Variants in KIT observed in about 807,000 individuals in gnomAD.
The protein encoded by KIT is KIT proto-oncogene, receptor tyrosine kinase.
A neutral mutation model predicts 105.7 loss-of-function variants in KIT; 16 were observed. The observed-to-expected ratio is 0.15, with a 90% CI of 0.10 to 0.23. The LOEUF (loss-of-function observed/expected upper bound fraction) is 0.23, where lower values mean the gene tolerates loss of function less well. Among genes scored for constraint, KIT ranks in the 10% least tolerant of loss-of-function variants. The probability of loss-of-function intolerance (pLI) is 1.00; values close to 1 mark genes in which losing one functional copy is unlikely to be tolerated. For synonymous variants in KIT, 438 were observed against 441.1 expected, an observed-to-expected ratio of 0.99 and a Z score of 0.09; for missense variants, 858 against 1,213.8, an observed-to-expected ratio of 0.71 and a Z score of 4.36.
At chr4:54,715,471 AG>A (rs1721428237) in intron 7 of KIT, among the ~76,000 whole-genome samples, 1 of 151,872 alleles carries the variant, frequency 6.6e-6, no homozygotes, top group Non-Finnish European at 1.5e-5. Context: ...GCTTCTGGTG[AG>A]GGCTTCAGGA....
At chr4:54,693,259 T>C (rs1468951275) in intron 1 of KIT, among the ~76,000 whole-genome samples, 3 of 152,210 alleles carry the variant, frequency 2.0e-5, no homozygotes, top group African/African-American at 7.2e-5. Flanking sequence ...CCTGCCATCT[T>C]ACTGTGGCAT....
intron 1 of KIT, among the ~76,000 whole-genome samples, chr4:54,659,015 G>A (rs1717036486): frequency 6.6e-6 from 1 of 152,118 alleles, no homozygotes; most frequent in Non-Finnish European, 1.5e-5. Flanking sequence ...CAGAGTGCCC[G>A]GCCTGCCTGG....
intron 4 of KIT, among the ~76,000 whole-genome samples, chr4:54,701,927 G>C (rs975329233): frequency 6.6e-6 from 1 of 152,192 alleles, no homozygotes; most frequent in Admixed American, 6.5e-5. Flanking sequence ...CTTAGAAGGG[G>C]GTAGTAGGAA....
intron 7 of KIT, among the ~76,000 whole-genome samples, chr4:54,718,702 AT>A (rs201599298): frequency 1.6e-4 from 24 of 152,080 alleles, no homozygotes; most frequent in African/African-American, 5.5e-4. Flanking sequence ...TAAGAGAATG[AT>A]TTTTTTTCTT....
At chr4:54,715,586 G>A (rs1008073023) in intron 7 of KIT, among the ~76,000 whole-genome samples, 4 of 151,956 alleles carry the variant, frequency 2.6e-5, no homozygotes, top group Admixed American at 6.6e-5. Context: ...TTTAAAAATC[G>A]GATCTCGAGG....
At chr4:54,724,639 A>C (rs1297887299) in intron 8 of KIT, among the ~76,000 whole-genome samples, 2 of 151,996 alleles carry the variant, frequency 1.3e-5, no homozygotes, top group Non-Finnish European at 2.9e-5. Flanking sequence ...TGCCTTTATG[A>C]GTTTATGTTC....
intron 1 of KIT, among the ~76,000 whole-genome samples, chr4:54,686,219 TA>T (rs201077047): frequency 6.1e-5 from 9 of 147,542 alleles, no homozygotes; most frequent in South Asian, 4.3e-4. Context: ...AGGAGCTACT[TA>T]AAAAAAAAAA....
In KIT at chr4:54,703,806, C is replaced by G; in HGVS notation, c.839C>G (p.Ala280Gly). ...CAGGCAACGTTGACTATCAGTTCAG[C>G]GAGAGTTAATGATTCTGGAGTGTTC... Reference protein sequence around the residue: ...ERQATLTISSARVNDSGVFMC... With the variant: ...ERQATLTISSGRVNDSGVFMC... The change falls in exon 5 of 21, where the codon GCG becomes GGG. Residue 280 changes from alanine (A) to glycine (G), a missense_variant. Transcript: ENST00000288135. 1 of 1,613,238 alleles carries G rather than the reference C, an allele frequency of 6.2e-7. No homozygotes were observed. Among genetic ancestry groups the G allele is most frequent in the Non-Finnish European group, 8.5e-7 (1 of 1,179,336 alleles).
intron 7 of KIT, among the ~76,000 whole-genome samples, chr4:54,723,101 T>A (rs1721996952): frequency 6.6e-6 from 1 of 152,032 alleles, no homozygotes; most frequent in Non-Finnish European, 1.5e-5. Flanking sequence ...AGGAGAAAAT[T>A]CATGTAAGAG....
intron 5 of KIT, among the ~76,000 whole-genome samples, chr4:54,705,538 A>G (rs1383569144): frequency 6.6e-6 from 1 of 152,218 alleles, no homozygotes; most frequent in Non-Finnish European, 1.5e-5. Flanking sequence ...TGTATTCATC[A>G]TCTCACAAAG....
intron 1 of KIT, among the ~76,000 whole-genome samples, chr4:54,674,479 A>T (rs1430482192): frequency 6.6e-6 from 1 of 151,870 alleles, no homozygotes; most frequent in African/African-American, 2.4e-5. Flanking sequence ...ATGGTTTTTG[A>T]GTCTGCTCTC....
intron 2 of KIT, among the ~76,000 whole-genome samples, chr4:54,697,356 A>G (rs1472412070): frequency 3.3e-5 from 5 of 152,240 alleles, no homozygotes; most frequent in Non-Finnish European, 5.9e-5. Context: ...TGAGTTTCAG[A>G]TGGAAAGGAC....
chr4:54,707,518 T>G (rs1271280354), intron 6 of KIT, among the ~76,000 whole-genome samples: 1 of 152,190 alleles, frequency 6.6e-6, no homozygotes, highest in African/African-American at 2.4e-5. Flanking sequence ...GTTTTCTCAC[T>G]TGTAAAATGG....
At chr4:54,716,161 A>G (rs1721482415) in intron 7 of KIT, among the ~76,000 whole-genome samples, 1 of 152,194 alleles carries the variant, frequency 6.6e-6, no homozygotes, top group Admixed American at 6.5e-5. Flanking sequence ...TTTCCCCATT[A>G]GGTGGATACT....
chr4:54,674,058 A>T (rs961612851), intron 1 of KIT, among the ~76,000 whole-genome samples: 12 of 152,212 alleles, frequency 7.9e-5, no homozygotes, highest in Non-Finnish European at 1.6e-4. Flanking sequence ...GGCATGAGCC[A>T]CCGTGCCCGG....
chr4:54,671,980 G>A (rs955768189), intron 1 of KIT, among the ~76,000 whole-genome samples: 2 of 152,102 alleles, frequency 1.3e-5, no homozygotes, highest in Non-Finnish European at 2.9e-5. Context: ...TGAACATAAT[G>A]ATGATGCCAA....
intron 7 of KIT, among the ~76,000 whole-genome samples, chr4:54,719,756 T>C (rs1017529480): frequency 2.0e-5 from 3 of 152,214 alleles, no homozygotes; most frequent in African/African-American, 7.2e-5. Flanking sequence ...GCAAGATGTA[T>C]ATTTAATGCC....
At chr4:54,678,006 A>T (rs934243046) in intron 1 of KIT, among the ~76,000 whole-genome samples, 3 of 152,152 alleles carry the variant, frequency 2.0e-5, no homozygotes, top group Non-Finnish European at 4.4e-5. Flanking sequence ...ACGTTGATTG[A>T]TGTGTGGTTT....
At chr4:54,736,667 T>C in intron 18 of KIT, 54 bp from the exon 19 acceptor site, 1 of 1,599,768 alleles carries the variant, frequency 6.3e-7, no homozygotes, top group Middle Eastern at 1.7e-4. Context: ...TCTTGAAGTT[T>C]CATTGGTGTC....
Sources: gnomAD v4.1 joint callset for allele counts (sites outside exome capture counted in the v4.1 genomes callset) on GRCh38, gnomAD v4.1.1 for gene constraint, MANE v1.5 for transcripts, NCBI Gene and HGNC (gene_info 2026-07-23, HGNC 2026-07-21) for gene names.